BTBD9: variants seen among roughly 807,000 people sequenced by gnomAD.
BTBD9 encodes the protein BTB/POZ domain-containing protein 9.
A neutral mutation model predicts 64.3 loss-of-function variants in BTBD9; 49 were observed. That is an observed-to-expected ratio of 0.76 (90% confidence interval 0.61 to 0.97). BTBD9 has a LOEUF of 0.97. Among genes scored for constraint, BTBD9 ranks in the 50% least tolerant of loss-of-function variants. The probability of loss-of-function intolerance (pLI) is 0.00; values close to 1 mark genes in which losing one functional copy is unlikely to be tolerated. For synonymous variants in BTBD9, 260 were observed against 274.7 expected (o/e 0.95, Z 0.53); for missense variants, 598 against 762.1 (o/e 0.78, Z 2.53).
chr6:38,212,772 T>C (rs2395695), intron 9 of BTBD9, among the ~76,000 whole-genome samples: 125,698 of 152,018 alleles, frequency 0.83, 52,102 homozygotes, highest in East Asian at 0.97. Flanking sequence ...GGAGGGCAGG[T>C]GAGCTCTGAA....
At chr6:38,514,189 T>C (rs1772907257) in intron 6 of BTBD9, among the ~76,000 whole-genome samples, 1 of 152,212 alleles carries the variant, frequency 6.6e-6, no homozygotes, top group East Asian at 1.9e-4. Flanking sequence ...AAAGAAACCA[T>C]GGGGGTACAA....
chr6:38,418,141 A>C (rs1380621920), intron 6 of BTBD9, among the ~76,000 whole-genome samples: 1 of 152,216 alleles, frequency 6.6e-6, no homozygotes, highest in Non-Finnish European at 1.5e-5. Context: ...TAAGGGAAAA[A>C]TATAAAGGAT....
intron 1 of BTBD9, among the ~76,000 whole-genome samples, chr6:38,614,676 T>A (rs1777729485): frequency 6.6e-6 from 1 of 152,164 alleles, no homozygotes; most frequent in Non-Finnish European, 1.5e-5. Context: ...CTCAACCTAA[T>A]CCATCAGCAA....
At chr6:38,408,784 T>A (rs1767281736) in intron 6 of BTBD9, among the ~76,000 whole-genome samples, 1 of 152,188 alleles carries the variant, frequency 6.6e-6, no homozygotes, top group African/African-American at 2.4e-5. Context: ...TCTTTACCCC[T>A]CTTTGTCCGA....
intron 2 of BTBD9, chr6:38,596,108 T>A (rs1463120951): frequency 1.1e-6 from 1 of 944,768 alleles, no homozygotes; most frequent in Non-Finnish European, 1.3e-6. Flanking sequence ...AGGCCTCTTC[T>A]GACAGCTGAC....
At chr6:38,222,257 G>GTTTTTTTTT (rs1156925177) in intron 9 of BTBD9, among the ~76,000 whole-genome samples, 2 of 114,372 alleles carry the variant, frequency 1.7e-5, no homozygotes, top group Non-Finnish European at 3.4e-5. Context: ...TCATTCAGTT[G>GTTTTTTTTT]TTTTTTTTTT....
intron 6 of BTBD9, among the ~76,000 whole-genome samples, chr6:38,568,939 A>G (rs2127463698): frequency 6.6e-6 from 1 of 152,346 alleles, no homozygotes; most frequent in South Asian, 2.1e-4. Context: ...CAGTTATACA[A>G]GGTAACACAG....
intron 6 of BTBD9, among the ~76,000 whole-genome samples, chr6:38,366,875 T>C (rs1765202898): frequency 6.6e-6 from 1 of 152,254 alleles, no homozygotes. Flanking sequence ...TTGTTGCTAT[T>C]GCAATTTCGC....
At chr6:38,429,655 C>A (rs1054379328) in intron 6 of BTBD9, among the ~76,000 whole-genome samples, 2 of 151,810 alleles carry the variant, frequency 1.3e-5, no homozygotes, top group Admixed American at 6.6e-5. Context: ...AACAATAAAA[C>A]CCTAAAGGAA....
intron 1 of BTBD9, among the ~76,000 whole-genome samples, chr6:38,622,205 C>T (rs1459667966): frequency 6.6e-6 from 1 of 152,176 alleles, no homozygotes; most frequent in Non-Finnish European, 1.5e-5. Context: ...TTGTAAGGCC[C>T]CTCTGGGGCA....
At chr6:38,198,097 A>G (rs2127490150) in intron 9 of BTBD9, among the ~76,000 whole-genome samples, 1 of 152,390 alleles carries the variant, frequency 6.6e-6, no homozygotes, top group South Asian at 2.1e-4. Flanking sequence ...GTATGTGAGC[A>G]AATGTTTTAT....
chr6:38,540,266 A>G (rs1052704228), intron 6 of BTBD9, among the ~76,000 whole-genome samples: 1 of 152,194 alleles, frequency 6.6e-6, no homozygotes, highest in Non-Finnish European at 1.5e-5. Flanking sequence ...TTCAGAGCCT[A>G]AGAAATCATT....
intron 6 of BTBD9, among the ~76,000 whole-genome samples, chr6:38,575,794 T>C (rs1057253361): frequency 6.6e-6 from 1 of 152,178 alleles, no homozygotes; most frequent in African/African-American, 2.4e-5. Context: ...TCATTTTTTT[T>C]CAACCAGAAT....
chr6:38,399,500 G>A (rs1766831872), intron 6 of BTBD9, among the ~76,000 whole-genome samples: 1 of 152,202 alleles, frequency 6.6e-6, no homozygotes, highest in Non-Finnish European at 1.5e-5. Flanking sequence ...GAGGTTACCA[G>A]TAACTAATAA....
At chr6:38,318,565 T>A (rs1410608462) in intron 7 of BTBD9, among the ~76,000 whole-genome samples, 1 of 152,192 alleles carries the variant, frequency 6.6e-6, no homozygotes, top group East Asian at 1.9e-4. Flanking sequence ...CCAGAAGAAT[T>A]CTCTGGATTG....
intron 1 of BTBD9, among the ~76,000 whole-genome samples, chr6:38,614,727 T>G (rs1001962581): frequency 3.9e-5 from 6 of 152,150 alleles, no homozygotes; most frequent in Admixed American, 3.9e-4. Flanking sequence ...TCAAGTCAAT[T>G]TACTTCTTTG....
chr6:38,268,711 C>T (rs1765099833), intron 8 of BTBD9, among the ~76,000 whole-genome samples: 1 of 152,224 alleles, frequency 6.6e-6, no homozygotes, highest in Non-Finnish European at 1.5e-5. Context: ...TTTAAATCAT[C>T]TTCTTTTCCC....
At chr6:38,522,647 C>T (rs528301932) in intron 6 of BTBD9, among the ~76,000 whole-genome samples, 1 of 152,320 alleles carries the variant, frequency 6.6e-6, no homozygotes, top group South Asian at 2.1e-4. Flanking sequence ...CAAATATTAG[C>T]TCTAAGGAGG....
chr6:38,222,551 G>A (rs566216317), intron 9 of BTBD9, among the ~76,000 whole-genome samples: 12 of 152,050 alleles, frequency 7.9e-5, no homozygotes, highest in African/African-American at 2.2e-4. Context: ...GAACCACTGC[G>A]CCAGACCTTG....
Sources: allele counts gnomAD v4.1 joint callset (sites outside exome capture counted in the v4.1 genomes callset), GRCh38; gene constraint gnomAD v4.1.1; transcripts MANE v1.5; gene names NCBI Gene and HGNC (gene_info 2026-07-23, HGNC 2026-07-21).